The following NOL4 variants were observed in gnomAD, a reference collection of about 807,000 sequenced individuals.
NOL4 encodes the protein cancer/testis antigen 125.
NOL4 carries 17 observed loss-of-function variants against 75.9 expected under a neutral mutation model. That is an observed-to-expected ratio of 0.22 (90% CI 0.15 to 0.34). The LOEUF (loss-of-function observed/expected upper bound fraction) is 0.34, where lower values mean the gene tolerates loss of function less well. Among genes scored for constraint, NOL4 ranks in the 10% least tolerant of loss-of-function variants. The pLI, the probability that NOL4 is intolerant of heterozygous loss-of-function variation, is 1.00. For synonymous variants in NOL4, 292 were observed against 289.9 expected (o/e 1.01, Z -0.07); for missense variants, 614 against 793.5 (o/e 0.77, Z 2.72).
intron 1 of NOL4, among the ~76,000 whole-genome samples, chr18:34,182,713 T>A (rs1568426964): frequency 6.6e-6 from 1 of 151,652 alleles, no homozygotes; most frequent in Admixed American, 6.6e-5. Flanking sequence ...GAATAAGGAT[T>A]TTTTTTAAAA....
intron 1 of NOL4, among the ~76,000 whole-genome samples, chr18:34,171,072 G>A (rs1259181733): frequency 6.6e-6 from 1 of 152,098 alleles, no homozygotes; most frequent in African/African-American, 2.4e-5. Context: ...TAAATGGTTA[G>A]TTAGCCTCTC....
rs2031133271 is a variant in NOL4, at chr18:34,159,669, T to G, written c.265-29649A>C. On this transcript the variant is annotated intron_variant, in intron 1 of 10. Coordinates refer to ENST00000261592, the MANE Select transcript of NOL4 (RefSeq NM_003787.5). Reference sequence around the variant, plus strand: ...AGTCCTTCTCTTCTAATTCCCTGTATGTCCCGACCCGACCAACGGCAGCAC... The same window carrying G: ...AGTCCTTCTCTTCTAATTCCCTGTAGGTCCCGACCCGACCAACGGCAGCAC... Among the ~76,000 whole-genome samples the G allele has an allele frequency of 2.0e-5, 3 of 152,132 alleles. No homozygotes were observed. The South Asian group carries it at 6.2e-4, about 32-fold the overall frequency.
chr18:33,964,426 C>T (rs2145805066), intron 6 of NOL4, among the ~76,000 whole-genome samples: 1 of 144,872 alleles, frequency 6.9e-6, no homozygotes, highest in African/African-American at 2.6e-5. Flanking sequence ...AAGAAGTAAA[C>T]TCACCATCAA....
intron 1 of NOL4, among the ~76,000 whole-genome samples, chr18:34,137,012 T>G (rs1266095870): frequency 6.6e-6 from 1 of 152,128 alleles, no homozygotes; most frequent in Non-Finnish European, 1.5e-5. Context: ...AGCCTTCCAT[T>G]TATTCAGTTC....
chr18:34,185,798 C>A (rs2034416614), intron 1 of NOL4, among the ~76,000 whole-genome samples: 1 of 152,148 alleles, frequency 6.6e-6, no homozygotes, highest in Non-Finnish European at 1.5e-5. Flanking sequence ...CTACCCAAAT[C>A]ATGACGTATC....
chr18:33,947,284 G>T (rs1300161059), intron 8 of NOL4, among the ~76,000 whole-genome samples: 2 of 151,684 alleles, frequency 1.3e-5, no homozygotes, highest in South Asian at 2.1e-4. Flanking sequence ...ACATTTGACA[G>T]TTGAGGGCTT....
intron 2 of NOL4, among the ~76,000 whole-genome samples, chr18:34,112,114 A>G (rs1276596174): frequency 6.6e-6 from 1 of 152,182 alleles, no homozygotes; most frequent in Non-Finnish European, 1.5e-5. Flanking sequence ...CACACCTGCA[A>G]TCCCAGCACT....
intron 10 of NOL4, among the ~76,000 whole-genome samples, chr18:33,866,177 T>C (rs1340619136): frequency 6.6e-6 from 1 of 152,160 alleles, no homozygotes; most frequent in Non-Finnish European, 1.5e-5. Flanking sequence ...GAGGGCAATT[T>C]TGAATGTTTA....
intron 1 of NOL4, among the ~76,000 whole-genome samples, chr18:34,135,464 G>C (rs1021187778): frequency 3.3e-5 from 5 of 152,046 alleles, no homozygotes; most frequent in Non-Finnish European, 7.4e-5. Context: ...TTTGGAGGCT[G>C]AGACGGGTGG....
intron 8 of NOL4, among the ~76,000 whole-genome samples, chr18:33,949,592 T>C (rs2069069341): frequency 1.3e-5 from 2 of 152,092 alleles, no homozygotes; most frequent in South Asian, 2.1e-4. Context: ...AGCAAACCCC[T>C]GAAATTGGAG....
intron 9 of NOL4, among the ~76,000 whole-genome samples, chr18:33,917,555 G>T (rs879924242): frequency 2.0e-5 from 3 of 152,054 alleles, no homozygotes; most frequent in Non-Finnish European, 4.4e-5. Context: ...GAGTGCAGTG[G>T]TGTAATCATA....
intron 9 of NOL4, among the ~76,000 whole-genome samples, chr18:33,938,787 G>A (rs929423799): frequency 1.8e-4 from 27 of 152,004 alleles, no homozygotes; most frequent in Non-Finnish European, 3.5e-4. Flanking sequence ...TTAATTAGAT[G>A]CCATTTGTCA....
At chr18:33,860,160 G>T (rs911241197) in intron 10 of NOL4, among the ~76,000 whole-genome samples, 1 of 151,942 alleles carries the variant, frequency 6.6e-6, no homozygotes, top group African/African-American at 2.4e-5. Context: ...AGAAAAGCAT[G>T]GGGGAAACCA....
At chr18:33,920,313 A>G (rs1271805207) in intron 9 of NOL4, among the ~76,000 whole-genome samples, 1 of 152,224 alleles carries the variant, frequency 6.6e-6, no homozygotes, top group Non-Finnish European at 1.5e-5. Context: ...CTTTAAATAA[A>G]TAAAACTCTA....
intron 9 of NOL4, among the ~76,000 whole-genome samples, chr18:33,884,186 G>T (rs2064491865): frequency 6.6e-6 from 1 of 152,040 alleles, no homozygotes; most frequent in African/African-American, 2.4e-5. Context: ...TTTAATAAAA[G>T]TTGGGTTCTT....
At chr18:34,057,981 T>C (rs1042351835) in intron 5 of NOL4, among the ~76,000 whole-genome samples, 1 of 152,182 alleles carries the variant, frequency 6.6e-6, no homozygotes, top group Non-Finnish European at 1.5e-5. Context: ...AATTTTCCAG[T>C]TATTTTTTCT....
chr18:34,076,628 G>A (rs2077757389), intron 5 of NOL4, among the ~76,000 whole-genome samples: 1 of 152,134 alleles, frequency 6.6e-6, no homozygotes, highest in Non-Finnish European at 1.5e-5. Context: ...TCCCACTCCA[G>A]GAACAGAAGT....
At chr18:33,897,533 T>C (rs945017804) in intron 9 of NOL4, among the ~76,000 whole-genome samples, 2 of 152,148 alleles carry the variant, frequency 1.3e-5, no homozygotes, top group African/African-American at 2.4e-5. Context: ...AAATACCACA[T>C]GTTCTCACTT....
At chr18:33,899,912 C>T (rs1227109520) in intron 9 of NOL4, among the ~76,000 whole-genome samples, 2 of 152,096 alleles carry the variant, frequency 1.3e-5, no homozygotes, top group East Asian at 1.9e-4. Context: ...TCTGGGATTA[C>T]AGCTGTTACA....
Sources: gnomAD v4.1 joint callset for allele counts (sites outside exome capture counted in the v4.1 genomes callset) on GRCh38, gnomAD v4.1.1 for gene constraint, MANE v1.5 for transcripts, NCBI Gene and HGNC (gene_info 2026-07-23, HGNC 2026-07-21) for gene names.